SGCD: variants seen among roughly 807,000 people sequenced by gnomAD.
SGCD encodes the protein sarcoglycan delta, also known as delta-sarcoglycan.
A neutral mutation model predicts 36.6 loss-of-function variants in SGCD; 18 were observed. The observed-to-expected ratio is 0.49, with a 90% CI of 0.34 to 0.73. SGCD has a LOEUF of 0.73. SGCD is among the 30% of genes least tolerant of loss of function. The pLI is 0.01. For synonymous variants in SGCD, 133 were observed against 130.6 expected (o/e 1.02, Z -0.12); for missense variants, 387 against 346.7 (o/e 1.12, Z -0.92).
chr5:155,932,943 A>C lies in SGCD; in HGVS notation c.-282+62519A>C, dbSNP rs567091892. ...TCCATCATATTCTTTATCTCATTATAGAATGTCAGGGCTGGGAAAGACCTT... is the reference window on the plus strand; with the variant it reads ...TCCATCATATTCTTTATCTCATTATCGAATGTCAGGGCTGGGAAAGACCTT... On this transcript the variant is annotated intron_variant, in intron 1 of 9. Coordinates refer to the SGCD transcript ENST00000517913. 4.6e-5 allele frequency among the ~76,000 whole-genome samples: 7 copies of C among 152,066 alleles called. No individual in the cohort carries two copies. In the South Asian group the frequency reaches 1.5e-3, roughly 32 times the overall value.
intron 7 of SGCD, among the ~76,000 whole-genome samples, chr5:156,671,272 C>CTTT (rs35299523): frequency 1.7e-3 from 178 of 104,416 alleles, no homozygotes; most frequent in African/African-American, 4.8e-3. Context: ...TCTATTGATT[C>CTTT]TTTTTTTTTT....
At chr5:156,350,503 G>C (rs112141201) in intron 3 of SGCD, among the ~76,000 whole-genome samples, 1 of 151,948 alleles carries the variant, frequency 6.6e-6, no homozygotes, top group African/African-American at 2.4e-5. Flanking sequence ...CTATCCCCAA[G>C]GATACATGCT....
chr5:155,850,018 G>T, the SGCD span, among the ~76,000 whole-genome samples: 1 of 152,170 alleles, frequency 6.6e-6, no homozygotes, highest in African/African-American at 2.4e-5. Context: ...ATCAGGAATA[G>T]AAAGCTTGTT....
At position 156,076,651 on chromosome 5, in the gene SGCD, T is replaced by C. The variant is rs111423366; in HGVS notation, c.-281-41227T>C. ...ATTCAGTTACTATATCAGTAGCAGA[T>C]AGTCCCACATGTATGCCAATTTCTT... On this transcript the variant is annotated intron_variant, in intron 1 of 9. Coordinates refer to the SGCD transcript ENST00000517913. Among the ~76,000 whole-genome samples the C allele has an allele frequency of 2.0e-5, 3 of 152,212 alleles. No individual in the cohort carries two copies. In the South Asian group the frequency reaches 6.2e-4, roughly 32 times the overall value.
chr5:156,147,502 A>T (rs527997522), intron 3 of SGCD, among the ~76,000 whole-genome samples: 2 of 152,086 alleles, frequency 1.3e-5, no homozygotes, highest in Non-Finnish European at 2.9e-5. Flanking sequence ...ACATTTTTAA[A>T]TTTTTTTCTT....
At chr5:156,684,271 T>A (rs982192274) in intron 7 of SGCD, among the ~76,000 whole-genome samples, 1 of 151,478 alleles carries the variant, frequency 6.6e-6, no homozygotes, top group Non-Finnish European at 1.5e-5. Flanking sequence ...GTGGGGAAGA[T>A]GATGAAGTGA....
chr5:156,705,481 T>G (rs1754702976), intron 7 of SGCD, among the ~76,000 whole-genome samples: 1 of 152,176 alleles, frequency 6.6e-6, no homozygotes, highest in South Asian at 2.1e-4. Context: ...TCAGCAATTG[T>G]CTTCATATGT....
At chr5:156,084,006 A>G (rs892319067) in intron 1 of SGCD, among the ~76,000 whole-genome samples, 1 of 152,200 alleles carries the variant, frequency 6.6e-6, no homozygotes, top group African/African-American at 2.4e-5. Flanking sequence ...ACTTAGCCAT[A>G]CAGTAAACCT....
chr5:156,150,903 A>G (rs886863549), intron 3 of SGCD, among the ~76,000 whole-genome samples: 8 of 151,744 alleles, frequency 5.3e-5, no homozygotes, highest in Non-Finnish European at 1.0e-4. Context: ...TGTCAAATAC[A>G]TAGTCATGTG....
rs112730905 is a variant in SGCD at position 156,431,798 on chromosome 5, C to A, written c.193-76803C>A. 4.8e-3 allele frequency among the ~76,000 whole-genome samples: 732 copies of A among 152,252 alleles called. 9 individuals carry two copies. Among genetic ancestry groups the A allele is most frequent in the African/African-American group, 0.017 (691 of 41,534 alleles). On this transcript the variant is annotated intron_variant, in intron 3 of 8. Transcript: ENST00000337851. The stretch of plus-strand genomic sequence containing the variant: ...TGGCGTGATCTCGACTCAGTGCAAC[C>A]TCTGCCTCCCCAGTTCAGGTGATTC...
chr5:155,886,902 A>G (rs1381608833), intron 1 of SGCD, among the ~76,000 whole-genome samples: 1 of 152,212 alleles, frequency 6.6e-6, no homozygotes, highest in Non-Finnish European at 1.5e-5. Context: ...GTTCAGAACC[A>G]CATTGGGCAT....
At position 155,881,123 on chromosome 5, in the gene SGCD, T is replaced by C. The variant is rs1755872829; in HGVS notation, c.-282+10699T>C. Among the ~76,000 whole-genome samples the C allele has an allele frequency of 2.6e-5, 4 of 152,142 alleles. No homozygotes were observed. In the South Asian group the frequency reaches 8.3e-4, roughly 32 times the overall value. Reference sequence around the variant, plus strand: ...GAAGGGAAGGAAATTTCTCAGGTGGTAAACCCAGGGGTGCTGATTTTCAAT... The same window carrying C: ...GAAGGGAAGGAAATTTCTCAGGTGGCAAACCCAGGGGTGCTGATTTTCAAT... On this transcript the variant is annotated intron_variant, in intron 1 of 9. Coordinates refer to the SGCD transcript ENST00000517913.
At chr5:156,221,168 A>G (rs993855158) in intron 3 of SGCD, among the ~76,000 whole-genome samples, 2 of 152,148 alleles carry the variant, frequency 1.3e-5, no homozygotes, top group Non-Finnish European at 2.9e-5. Flanking sequence ...CTTGTAATGA[A>G]CAGAAATTTA....
At chr5:155,845,722 A>G in the SGCD span, among the ~76,000 whole-genome samples, 1 of 152,204 alleles carries the variant, frequency 6.6e-6, no homozygotes, top group African/African-American at 2.4e-5. Flanking sequence ...AAGACATCAA[A>G]TGCCTTTTTA....
intron 3 of SGCD, among the ~76,000 whole-genome samples, chr5:156,371,277 G>A (rs1770372683): frequency 6.6e-6 from 1 of 152,082 alleles, no homozygotes; most frequent in African/African-American, 2.4e-5. Flanking sequence ...ATCCACTCTG[G>A]AAGATGTTTC....
intron 6 of SGCD, among the ~76,000 whole-genome samples, chr5:156,643,423 C>T (rs927158776): frequency 1.3e-5 from 2 of 152,010 alleles, no homozygotes; most frequent in African/African-American, 4.8e-5. Context: ...ACCACTACAG[C>T]CTCCTGCTTG....
At position 156,758,993 on chromosome 5, in the gene SGCD, T is replaced by TAACA. The variant is rs576670572; in HGVS notation, c.700-223_700-220dup. The stretch of plus-strand genomic sequence containing the variant: ...TGTATGACATTTTTTTGCAAAATGC[T>TAACA]AACATAGATCAATGCAGCATTATCT... On this transcript the variant is annotated intron_variant, in intron 8 of 8. Transcript: ENST00000337851. Among the ~76,000 whole-genome samples the TAACA allele has an allele frequency of 5.1e-4, 77 of 152,330 alleles. No homozygotes were observed. The South Asian group carries it at 8.3e-3, about 16-fold the overall frequency.
chr5:156,367,801 G>A (rs1770183375), intron 3 of SGCD, among the ~76,000 whole-genome samples: 1 of 152,158 alleles, frequency 6.6e-6, no homozygotes, highest in Non-Finnish European at 1.5e-5. Flanking sequence ...TGGTTGTGTT[G>A]TAAGCTAGGT....
At chr5:156,534,423 C>T (rs2113116852) in intron 4 of SGCD, among the ~76,000 whole-genome samples, 1 of 152,262 alleles carries the variant, frequency 6.6e-6, no homozygotes, top group African/African-American at 2.4e-5. Flanking sequence ...CTTGCCATAT[C>T]CTGATTCTTT....
Sources: gnomAD v4.1 joint callset for allele counts (sites outside exome capture counted in the v4.1 genomes callset) on GRCh38, gnomAD v4.1.1 for gene constraint, MANE v1.5 for transcripts, NCBI Gene and HGNC (gene_info 2026-07-23, HGNC 2026-07-21) for gene names.